Variants in PIK3CB observed in about 807,000 individuals in gnomAD.
PIK3CB encodes phosphatidylinositol-4,5-bisphosphate 3-kinase catalytic subunit beta.
A neutral mutation model predicts 136.8 loss-of-function variants in PIK3CB; 39 were observed. The ratio of observed to expected loss-of-function variants is 0.29; its 90% CI spans 0.22 to 0.37. The LOEUF (loss-of-function observed/expected upper bound fraction) is 0.37, where lower values mean the gene tolerates loss of function less well. Among genes scored for constraint, PIK3CB ranks in the 10% least tolerant of loss-of-function variants. The probability of loss-of-function intolerance (pLI) is 1.00; values close to 1 mark genes in which losing one functional copy is unlikely to be tolerated. For missense variants in PIK3CB, 868 were observed against 1,275.4 expected (o/e 0.68, Z 4.87); for synonymous variants, 428 against 436.6 (o/e 0.98, Z 0.25).
chr3:138,814,072 A>G (rs532055596), intron 1 of PIK3CB, among the ~76,000 whole-genome samples: 14 of 152,232 alleles, frequency 9.2e-5, no homozygotes, highest in African/African-American at 2.9e-4. Flanking sequence ...GTATAATCCC[A>G]TTTCTCCCAT....
chr3:138,815,107 T>G (rs1209700871), intron 1 of PIK3CB, among the ~76,000 whole-genome samples: 1 of 116,210 alleles, frequency 8.6e-6, no homozygotes, highest in South Asian at 3.0e-4. Flanking sequence ...GCCACTGCAC[T>G]CCAGCCTGGG....
chr3:138,699,223 TAA>T (rs55874901), intron 12 of PIK3CB, 128 bp from the exon 13 acceptor site: 122,511 of 248,594 alleles, frequency 0.49, 24,775 homozygotes, highest in East Asian at 0.72. Flanking sequence ...TATAATTCCA[TAA>T]AAAAAAAAAA....
chr3:138,772,246 C>T (rs552080911), intron 2 of PIK3CB, among the ~76,000 whole-genome samples: 10 of 152,018 alleles, frequency 6.6e-5, no homozygotes, highest in Non-Finnish European at 1.3e-4. Flanking sequence ...TAACCTAATG[C>T]GCGGCAATTA....
chr3:138,776,517 T>G (rs2045860333), intron 2 of PIK3CB, among the ~76,000 whole-genome samples: 1 of 151,904 alleles, frequency 6.6e-6, no homozygotes, highest in African/African-American at 2.4e-5. Context: ...GACAAAACCC[T>G]GCCTCTACAA....
chr3:138,742,837 T>C (rs1013817054), intron 4 of PIK3CB, 56 bp from the exon 5 acceptor site: 20 of 960,108 alleles, frequency 2.1e-5, no homozygotes, highest in East Asian at 1.3e-4. Flanking sequence ...TAAAAGAATA[T>C]AGAAAGAATA....
At chr3:138,677,008 C>A (rs761120134) in intron 19 of PIK3CB, among the ~76,000 whole-genome samples, 7 of 151,996 alleles carry the variant, frequency 4.6e-5, no homozygotes, top group Non-Finnish European at 1.0e-4. Flanking sequence ...TATACTGTAT[C>A]CCAATAATAG....
intron 8 of PIK3CB, among the ~76,000 whole-genome samples, chr3:138,728,789 A>G (rs2044900651): frequency 6.6e-6 from 1 of 151,870 alleles, no homozygotes; most frequent in Non-Finnish European, 1.5e-5. Flanking sequence ...CAAAAAAAAA[A>G]AAAAGAAAAC....
intron 2 of PIK3CB, among the ~76,000 whole-genome samples, chr3:138,764,060 G>A (rs1440437423): frequency 6.7e-6 from 1 of 149,664 alleles, no homozygotes; most frequent in Non-Finnish European, 1.5e-5. Flanking sequence ...GCAGTGAGCC[G>A]AGATCGCACC....
At chr3:138,822,806 CAAATATATATATATGAAATATATATACA>C (rs1933616984) in intron 1 of PIK3CB, among the ~76,000 whole-genome samples, 1 of 144,036 alleles carries the variant, frequency 6.9e-6, no homozygotes, top group African/African-American at 2.6e-5. Context: ...CACGCCACTG[CAAATATATATATATGAAATATATATACA>C]AAATATATAT....
At position 138,655,575 on chromosome 3, in the gene PIK3CB, G is replaced by A. The variant is rs750635474; in HGVS notation, c.3076-49C>T. On this transcript the variant is annotated intron_variant, in intron 23 of 23. Coordinates refer to ENST00000674063, the MANE Select transcript of PIK3CB (RefSeq NM_006219.3). The stretch of plus-strand genomic sequence containing the variant: ...GATTTTATATAACTTTAGTAGAGAT[G>A]TGCAAATATCAAAGTCTGCAGGAGG... The A allele has an allele frequency of 2.0e-6, 3 of 1,465,482 alleles. No homozygotes were observed. The Admixed American group carries it at 5.0e-5, about 25-fold the overall frequency. The allele number at this position is 1,465,482 out of a possible 1,614,324, so 90.8% of individuals were successfully genotyped here. A position where few individuals can be genotyped will look rare whatever the true frequency, so the allele number is the denominator to read the frequency against.
chr3:138,680,708 GA>G (rs752576269), intron 19 of PIK3CB, among the ~76,000 whole-genome samples: 55 of 150,528 alleles, frequency 3.7e-4, no homozygotes, highest in Non-Finnish European at 5.3e-4. Context: ...AATTTTTTGA[GA>G]CAAAGTTTCG....
chr3:138,792,420 C>A (rs992551594), intron 2 of PIK3CB, among the ~76,000 whole-genome samples: 9 of 152,046 alleles, frequency 5.9e-5, no homozygotes, highest in Admixed American at 4.6e-4. Flanking sequence ...TGTTGCCCGG[C>A]TGAAGTGCAG....
intron 6 of PIK3CB, among the ~76,000 whole-genome samples, chr3:138,736,751 T>C (rs2045114380): frequency 6.6e-6 from 1 of 152,054 alleles, no homozygotes; most frequent in African/African-American, 2.4e-5. Flanking sequence ...TAAATGAAAA[T>C]AAATAAATAC....
chr3:138,697,886 G>C (rs1483090174), intron 13 of PIK3CB, among the ~76,000 whole-genome samples: 1 of 151,702 alleles, frequency 6.6e-6, no homozygotes, highest in Non-Finnish European at 1.5e-5. Context: ...GCACATGCCA[G>C]CATGTCCAGC....
chr3:138,759,903 G>A (rs936500161), intron 2 of PIK3CB, among the ~76,000 whole-genome samples: 9 of 151,906 alleles, frequency 5.9e-5, no homozygotes, highest in African/African-American at 1.9e-4. Flanking sequence ...GCAATCAAGA[G>A]GGCCCTTTCT....
intron 4 of PIK3CB, among the ~76,000 whole-genome samples, chr3:138,752,016 C>T (rs979118436): frequency 6.6e-6 from 1 of 150,626 alleles, no homozygotes; most frequent in Non-Finnish European, 1.5e-5. Flanking sequence ...CTATTTCCCT[C>T]ACTTAAGGTA....
At chr3:138,748,935 T>C (rs895343681) in intron 4 of PIK3CB, among the ~76,000 whole-genome samples, 4 of 152,186 alleles carry the variant, frequency 2.6e-5, no homozygotes, top group African/African-American at 9.7e-5. Context: ...TTTACTTTTA[T>C]GCACTGAAAA....
chr3:138,834,685 C>T lies in PIK3CB; in HGVS notation c.-122+10G>A. 1 of 154,268 alleles carries T rather than the reference C, an allele frequency of 6.5e-6. No individual in the cohort carries two copies. The highest frequency in any genetic ancestry group is 1.4e-5 in the Non-Finnish European group (1 of 69,722). 9.6% of individuals were successfully genotyped at this position (154,268 alleles called of 1,614,324 possible). ...CCGCGCCGCATCCGGGTCCCGGCCG[C>T]CGCACTCACCTGCCTGGCGTTCCGC... On this transcript the variant is annotated intron_variant, in intron 1 of 23. Coordinates refer to ENST00000674063, the MANE Select transcript of PIK3CB (RefSeq NM_006219.3).
At chr3:138,763,275 A>C (rs1316881666) in intron 2 of PIK3CB, among the ~76,000 whole-genome samples, 1 of 152,100 alleles carries the variant, frequency 6.6e-6, no homozygotes, top group Non-Finnish European at 1.5e-5. Context: ...AGTAGCTGGG[A>C]TTACAGGCAC....
Sources: gnomAD v4.1 joint callset for allele counts (sites outside exome capture counted in the v4.1 genomes callset) on GRCh38, gnomAD v4.1.1 for gene constraint, MANE v1.5 for transcripts, NCBI Gene and HGNC (gene_info 2026-07-23, HGNC 2026-07-21) for gene names.